PPP2R2B: variants seen among roughly 807,000 people sequenced by gnomAD.
The protein encoded by PPP2R2B is protein phosphatase 2 regulatory subunit Bbeta, also known as serine/threonine-protein phosphatase 2A 55 kDa regulatory subunit B beta isoform.
In PPP2R2B, 5 loss-of-function variants were observed where a neutral mutation model predicts 46.0. That is an observed-to-expected ratio of 0.11 (90% CI 0.06 to 0.23). The LOEUF is 0.23. PPP2R2B is among the 10% of genes least tolerant of loss of function. PPP2R2B has a pLI of 1.00. For missense variants in PPP2R2B, 367 were observed against 575.0 expected (o/e 0.64, Z 3.70); for synonymous variants, 215 against 206.7 (o/e 1.04, Z -0.34).
At chr5:146,904,527 C>T (rs1270371921) in intron 1 of PPP2R2B, among the ~76,000 whole-genome samples, 1 of 152,086 alleles carries the variant, frequency 6.6e-6, no homozygotes, top group Non-Finnish European at 1.5e-5. Flanking sequence ...AGCGTGTTCC[C>T]CGAGTCCTAA....
intron 2 of PPP2R2B, among the ~76,000 whole-genome samples, chr5:147,072,899 A>C (rs1339981423): frequency 1.3e-5 from 2 of 152,190 alleles, no homozygotes; most frequent in East Asian, 3.9e-4. Context: ...TTTAGGTCTC[A>C]TATTGGCTTC....
chr5:146,835,534 C>A (rs1759228860), intron 2 of PPP2R2B, among the ~76,000 whole-genome samples: 1 of 152,140 alleles, frequency 6.6e-6, no homozygotes. Flanking sequence ...CTGCTTCACA[C>A]CCCTCCTTTT....
At chr5:146,918,951 T>C (rs1008976313) in intron 1 of PPP2R2B, among the ~76,000 whole-genome samples, 56 of 152,350 alleles carry the variant, frequency 3.7e-4, no homozygotes, top group African/African-American at 1.3e-3. Context: ...GCTGACACCG[T>C]GTCTACTAAT....
intron 2 of PPP2R2B, among the ~76,000 whole-genome samples, chr5:146,847,896 G>A (rs1417983023): frequency 6.6e-6 from 1 of 152,098 alleles, no homozygotes; most frequent in Non-Finnish European, 1.5e-5. Flanking sequence ...GAGCTCCTGC[G>A]GCTTGGCTTG....
At chr5:146,744,641 T>C (rs1345251620) in intron 2 of PPP2R2B, among the ~76,000 whole-genome samples, 1 of 152,222 alleles carries the variant, frequency 6.6e-6, no homozygotes, top group East Asian at 1.9e-4. Flanking sequence ...ACTCAGGGAC[T>C]CAGCCTTAAC....
chr5:147,072,149 T>G (rs1409967031), intron 2 of PPP2R2B, among the ~76,000 whole-genome samples: 1 of 152,196 alleles, frequency 6.6e-6, no homozygotes, highest in Non-Finnish European at 1.5e-5. Flanking sequence ...TGCCTTAATC[T>G]CCTCATATCT....
chr5:147,009,148 CTATT>C (rs1754595051), intron 1 of PPP2R2B, among the ~76,000 whole-genome samples: 1 of 152,116 alleles, frequency 6.6e-6, no homozygotes, highest in African/African-American at 2.4e-5. Context: ...AAAAACTACA[CTATT>C]TATAAGCAAC....
At chr5:146,652,117 G>A (rs1380044034) in intron 5 of PPP2R2B, among the ~76,000 whole-genome samples, 1 of 152,122 alleles carries the variant, frequency 6.6e-6, no homozygotes, top group Non-Finnish European at 1.5e-5. Context: ...TACGGATAAG[G>A]GCCTATAGAT....
intron 1 of PPP2R2B, among the ~76,000 whole-genome samples, chr5:147,046,927 T>C (rs1756571475): frequency 1.3e-5 from 2 of 152,124 alleles, no homozygotes; most frequent in African/African-American, 4.8e-5. Context: ...TCCCAGCTTC[T>C]GATTTAATAT....
At chr5:147,071,756 A>G (rs1373488999) in intron 2 of PPP2R2B, among the ~76,000 whole-genome samples, 1 of 152,182 alleles carries the variant, frequency 6.6e-6, no homozygotes. Flanking sequence ...ATTTTCTTAC[A>G]TTGATAGCCT....
chr5:146,959,703 G>C (rs902268078), intron 1 of PPP2R2B, among the ~76,000 whole-genome samples: 1 of 152,148 alleles, frequency 6.6e-6, no homozygotes, highest in Non-Finnish European at 1.5e-5. Flanking sequence ...GCATCAGTAA[G>C]CCAGGCAAGG....
intron 7 of PPP2R2B, among the ~76,000 whole-genome samples, chr5:146,625,507 T>TGAGAAAA: frequency 6.6e-6 from 1 of 152,208 alleles, no homozygotes; most frequent in South Asian, 2.1e-4. Flanking sequence ...TGAGGGGGTT[T>TGAGAAAA]GAGAAAAGAG....
intron 4 of PPP2R2B, among the ~76,000 whole-genome samples, chr5:146,696,392 C>T (rs1402257290): frequency 1.3e-5 from 2 of 152,224 alleles, no homozygotes; most frequent in Middle Eastern, 3.2e-3. Flanking sequence ...GCGTGAGCCA[C>T]CGCGCCTGGC....
intron 2 of PPP2R2B, among the ~76,000 whole-genome samples, chr5:146,723,153 AGCATATGTT>A (rs1324970438): frequency 1.3e-5 from 2 of 152,150 alleles, no homozygotes; most frequent in Non-Finnish European, 2.9e-5. Context: ...TCATTGAGAG[AGCATATGTT>A]GGTTACCACT....
At chr5:146,975,778 A>G (rs967862390) in intron 1 of PPP2R2B, among the ~76,000 whole-genome samples, 1 of 152,056 alleles carries the variant, frequency 6.6e-6, no homozygotes, top group African/African-American at 2.4e-5. Flanking sequence ...CTATTTGTAT[A>G]TTTTATTTGG....
chr5:146,902,044 C>T (rs1762851886), intron 1 of PPP2R2B, among the ~76,000 whole-genome samples: 1 of 152,064 alleles, frequency 6.6e-6, no homozygotes, highest in Admixed American at 6.6e-5. Context: ...GAGCTGAAAG[C>T]ACAGCAAGGA....
At chr5:147,061,717 G>T (rs1019450638) in intron 2 of PPP2R2B, among the ~76,000 whole-genome samples, 1 of 152,062 alleles carries the variant, frequency 6.6e-6, no homozygotes, top group Non-Finnish European at 1.5e-5. Context: ...GAAGATGGGG[G>T]TCGGCTCCAT....
intron 1 of PPP2R2B, among the ~76,000 whole-genome samples, chr5:147,055,191 C>A (rs1028922444): frequency 2.0e-5 from 3 of 152,250 alleles, no homozygotes; most frequent in Admixed American, 1.3e-4. Context: ...CCAAGTGAAC[C>A]AATCCAACAA....
chr5:147,022,197 A>G (rs1486599332), intron 1 of PPP2R2B, among the ~76,000 whole-genome samples: 2 of 152,176 alleles, frequency 1.3e-5, no homozygotes, highest in Non-Finnish European at 2.9e-5. Context: ...GTCATTGAAC[A>G]TACTGCAATT....
Sources: gnomAD v4.1 joint callset for allele counts (sites outside exome capture counted in the v4.1 genomes callset) on GRCh38, gnomAD v4.1.1 for gene constraint, MANE v1.5 for transcripts, NCBI Gene and HGNC (gene_info 2026-07-23, HGNC 2026-07-21) for gene names.